FAM107B: variants seen among roughly 807,000 people sequenced by gnomAD.
The protein encoded by FAM107B is family with sequence similarity 107 member B.
In FAM107B, 21 loss-of-function variants were observed where a neutral mutation model predicts 31.5. That is an observed-to-expected ratio of 0.67 (90% CI 0.47 to 0.96). FAM107B has a LOEUF of 0.96. Among genes scored for constraint, FAM107B ranks in the 40% least tolerant of loss-of-function variants. The probability of loss-of-function intolerance (pLI) is 0.00; values close to 1 mark genes in which losing one functional copy is unlikely to be tolerated. For synonymous variants in FAM107B, 157 were observed against 141.5 expected (o/e 1.11, Z -0.78); for missense variants, 452 against 377.1 (o/e 1.20, Z -1.64).
At chr10:14,560,200 C>T (rs1850115195) in intron 2 of FAM107B, among the ~76,000 whole-genome samples, 1 of 151,972 alleles carries the variant, frequency 6.6e-6, no homozygotes. Flanking sequence ...TTCTGGGTGG[C>T]TTATTTTTTT....
intron 1 of FAM107B, among the ~76,000 whole-genome samples, chr10:14,675,888 T>C (rs937594777): frequency 6.6e-5 from 10 of 152,216 alleles, no homozygotes; most frequent in African/African-American, 2.4e-4. Flanking sequence ...CCCGGTGCAG[T>C]GAATCACGCC....
intron 1 of FAM107B, among the ~76,000 whole-genome samples, chr10:14,725,104 G>T (rs1856000708): frequency 6.6e-6 from 1 of 152,196 alleles, no homozygotes; most frequent in Admixed American, 6.5e-5. Flanking sequence ...AGATGCCTTT[G>T]GGTGGGGTTT....
At chr10:14,534,585 C>T (rs1316621522) in intron 2 of FAM107B, among the ~76,000 whole-genome samples, 2 of 152,228 alleles carry the variant, frequency 1.3e-5, no homozygotes, top group Non-Finnish European at 2.9e-5. Context: ...CTTCCCTCCA[C>T]CAGCATGCTT....
At position 14,520,590 on chromosome 10, in the gene FAM107B, C is replaced by T. The variant is rs1184925728; in HGVS notation, c.*600G>A. 6.6e-6 allele frequency: 1 copy of T among 152,190 alleles called. No individual in the cohort carries two copies. The highest frequency in any genetic ancestry group is 1.5e-5 in the Non-Finnish European group (1 of 68,046). 9.4% of individuals were successfully genotyped at this position (152,190 alleles called of 1,614,324 possible). A position where few individuals can be genotyped will look rare whatever the true frequency, so the allele number is the denominator to read the frequency against. ...TCAAGATGGGCTTTTAAACTTCTCA[C>T]CCTATTTCTAAATTAAGTGCCAACA... is the stretch of plus-strand genomic sequence containing the variant. On this transcript the variant is annotated 3_prime_UTR_variant, in exon 5 of 5. Coordinates refer to ENST00000181796, the MANE Select transcript of FAM107B (RefSeq NM_031453.4).
At chr10:14,760,626 C>A (rs1833024586) in intron 1 of FAM107B, among the ~76,000 whole-genome samples, 3 of 149,940 alleles carry the variant, frequency 2.0e-5, no homozygotes, top group Admixed American at 2.0e-4. Flanking sequence ...GCTTTACGAT[C>A]CATCTGGTTG....
intron 2 of FAM107B, chr10:14,532,588 T>C (rs947866126): frequency 6.6e-6 from 1 of 152,120 alleles, no homozygotes. Context: ...ATTACAAACC[T>C]CGCAGAGGGT....
chr10:14,534,669 C>T (rs1847415865), intron 2 of FAM107B: 1 of 152,300 alleles, frequency 6.6e-6, no homozygotes, highest in Non-Finnish European at 1.5e-5. Context: ...CAAAGCCAAA[C>T]TCACGCATCC....
rs544034977 is a variant in FAM107B, at chr10:14,525,361, G to A, written c.654-3342C>T. 1.2e-4 allele frequency among the ~76,000 whole-genome samples: 18 copies of A among 152,152 alleles called. No homozygotes were observed. In the South Asian group the frequency reaches 2.1e-3, roughly 18 times the overall value. Reference sequence around the variant, plus strand: ...GGTAGCTACCTGTGACTACTGAAGCGGGCAAAGCCAATTTAAAAAACTATA... The same window carrying A: ...GGTAGCTACCTGTGACTACTGAAGCAGGCAAAGCCAATTTAAAAAACTATA... On this transcript the variant is annotated intron_variant, in intron 3 of 4. Coordinates refer to ENST00000181796, the MANE Select transcript of FAM107B (RefSeq NM_031453.4).
chr10:14,667,638 T>A lies in FAM107B; in HGVS notation c.465A>T (p.Thr155=). 6.2e-7 allele frequency: 1 copy of A among 1,614,192 alleles called. No homozygotes were observed. The highest frequency in any genetic ancestry group is 8.5e-7 in the Non-Finnish European group (1 of 1,180,004). The change falls in exon 2 of 5, where the codon ACA becomes ACT. Residue 155 remains threonine, a synonymous_variant. Transcript: ENST00000181796. ...PKCLELEQKM[T]SDSPPEDIDH... ...ATCACACAGAATGTACTCTACCTGA[T>A]GTCATTTTCTGCTCCAGCTCGAGGC...
intron 2 of FAM107B, among the ~76,000 whole-genome samples, chr10:14,653,488 C>A (rs569851297): frequency 1.1e-3 from 171 of 152,286 alleles, no homozygotes; most frequent in Non-Finnish European, 2.2e-3. Context: ...AGTGGCCTCT[C>A]AGTTCCCCTT....
At chr10:14,573,856 T>C (rs1851376440) in intron 2 of FAM107B, among the ~76,000 whole-genome samples, 1 of 152,020 alleles carries the variant, frequency 6.6e-6, no homozygotes, top group Non-Finnish European at 1.5e-5. Flanking sequence ...GACTCACACT[T>C]GATTCACTTG....
intron 2 of FAM107B, among the ~76,000 whole-genome samples, chr10:14,544,380 C>T (rs1848513765): frequency 6.6e-6 from 1 of 152,194 alleles, no homozygotes. Context: ...AATCAAGCCA[C>T]AGTTCAGCCC....
At chr10:14,759,822 G>A (rs1658401179) in intron 1 of FAM107B, among the ~76,000 whole-genome samples, 1 of 151,374 alleles carries the variant, frequency 6.6e-6, no homozygotes, top group South Asian at 2.1e-4. Flanking sequence ...AGTGATTCTT[G>A]TGTCTCAGCC....
intron 2 of FAM107B, among the ~76,000 whole-genome samples, chr10:14,564,473 C>G (rs1463790179): frequency 6.6e-6 from 1 of 150,520 alleles, no homozygotes; most frequent in Non-Finnish European, 1.5e-5. Flanking sequence ...AGATGCAGAT[C>G]TCTCACCATG....
intron 1 of FAM107B, among the ~76,000 whole-genome samples, chr10:14,674,897 G>T (rs1564621897): frequency 6.6e-6 from 1 of 152,052 alleles, no homozygotes; most frequent in African/African-American, 2.4e-5. Context: ...ACCACACCTG[G>T]CTAATTTTCA....
At chr10:14,581,421 C>A (rs1851632395) in intron 2 of FAM107B, among the ~76,000 whole-genome samples, 1 of 152,218 alleles carries the variant, frequency 6.6e-6, no homozygotes, top group Non-Finnish European at 1.5e-5. Context: ...TTCCACAACT[C>A]AAGAAGCAGT....
At chr10:14,589,270 A>G (rs963513796) in intron 2 of FAM107B, among the ~76,000 whole-genome samples, 5 of 152,176 alleles carry the variant, frequency 3.3e-5, no homozygotes, top group African/African-American at 4.8e-5. Flanking sequence ...GGCATAGGAC[A>G]TTTATCAAAA....
At chr10:14,697,449 G>T (rs778707761) in intron 1 of FAM107B, among the ~76,000 whole-genome samples, 2 of 152,226 alleles carry the variant, frequency 1.3e-5, no homozygotes, top group Non-Finnish European at 2.9e-5. Flanking sequence ...TGCCGTGCTA[G>T]CCCAGGAATT....
chr10:14,572,423 G>A (rs758529897), intron 2 of FAM107B: 18 of 984,882 alleles, frequency 1.8e-5, no homozygotes, highest in Non-Finnish European at 1.9e-5. Context: ...ACAAGTTCTC[G>A]CACTTCTTAG....
Sources: gnomAD v4.1 joint callset for allele counts (sites outside exome capture counted in the v4.1 genomes callset) on GRCh38, gnomAD v4.1.1 for gene constraint, MANE v1.5 for transcripts, NCBI Gene and HGNC (gene_info 2026-07-23, HGNC 2026-07-21) for gene names.